Variants in RB1CC1 observed in about 807,000 individuals in gnomAD.
RB1CC1 encodes RB1-inducible coiled-coil protein 1.
RB1CC1 carries 46 observed loss-of-function variants against 177.5 expected under a neutral mutation model. That is an observed-to-expected ratio of 0.26 (90% CI 0.20 to 0.33). The LOEUF is 0.33. Among genes scored for constraint, RB1CC1 ranks in the 10% least tolerant of loss-of-function variants. The pLI, the probability that RB1CC1 is intolerant of heterozygous loss-of-function variation, is 1.00. For synonymous variants in RB1CC1, 666 were observed against 613.6 expected, an observed-to-expected ratio of 1.09 and a Z score of -1.26; for missense variants, 1,703 against 1,816.3, an observed-to-expected ratio of 0.94 and a Z score of 1.13.
chr8:52,684,119 C>G (rs1213872293), intron 3 of RB1CC1, 106 bp from the exon 4 acceptor site: 3 of 1,274,520 alleles, frequency 2.4e-6, no homozygotes, highest in East Asian at 2.8e-5. Flanking sequence ...GAATTTCACT[C>G]TAAAACCTTC....
intron 1 of RB1CC1, among the ~76,000 whole-genome samples, chr8:52,701,755 TC>T (rs1466318319): frequency 6.6e-6 from 1 of 151,580 alleles, no homozygotes; most frequent in Non-Finnish European, 1.5e-5. Context: ...AATTTTCTCT[TC>T]TTTACCTTAG....
rs758455418 is a variant in RB1CC1, at chr8:52,656,152, T to C, written c.3677A>G (p.Asp1226Gly). The change falls in exon 15 of 24, where the codon GAC becomes GGC. Residue 1226 changes from aspartate to glycine, a missense_variant. Asp to Gly is a moderately conservative substitution (Grantham distance 94, BLOSUM62 -1). Transcript: ENST00000025008. ...RQKLVSSQEQ[D>G]REQLIQKLNC... ...AAGCTTCTGAATTAACTGTTCTCTGTCTTGCTCCTGGCTGCTGACCAATTT... is the reference window on the plus strand; with the variant it reads ...AAGCTTCTGAATTAACTGTTCTCTGCCTTGCTCCTGGCTGCTGACCAATTT... 6.2e-7 allele frequency: 1 copy of C among 1,613,884 alleles called. No individual in the cohort carries two copies. The highest frequency in any genetic ancestry group is 1.1e-5 in the South Asian group (1 of 91,070).
At chr8:52,625,268 CCA>C (rs1457503033) in intron 22 of RB1CC1, among the ~76,000 whole-genome samples, 1 of 152,060 alleles carries the variant, frequency 6.6e-6, no homozygotes, top group Non-Finnish European at 1.5e-5. Context: ...CATCTGTATG[CCA>C]CAGTGCTTGG....
At chr8:52,677,612 G>A (rs1230205325) in intron 5 of RB1CC1, among the ~76,000 whole-genome samples, 23 of 152,102 alleles carry the variant, frequency 1.5e-4, no homozygotes, top group Non-Finnish European at 8.8e-5. Flanking sequence ...CTGAAAGAAT[G>A]GATGTAAAAT....
At chr8:52,678,877 A>G (rs1853414118) in intron 5 of RB1CC1, among the ~76,000 whole-genome samples, 4 of 152,202 alleles carry the variant, frequency 2.6e-5, no homozygotes, top group Admixed American at 2.0e-4. Flanking sequence ...TCTTAATTCC[A>G]TATGTGTATA....
chr8:52,642,884 C>T, intron 16 of RB1CC1, 72 bp from the exon 17 acceptor site: 1 of 1,362,460 alleles, frequency 7.3e-7, no homozygotes, highest in Non-Finnish European at 9.5e-7. Flanking sequence ...AATACACTTG[C>T]AAATATTCTT....
At chr8:52,692,555 CAAA>C (rs1854976659) in intron 1 of RB1CC1, among the ~76,000 whole-genome samples, 1 of 151,742 alleles carries the variant, frequency 6.6e-6, no homozygotes, top group South Asian at 2.1e-4. Context: ...AACTATGGCT[CAAA>C]GAAGTTATTT....
At chr8:52,705,263 A>G (rs866787363) in intron 1 of RB1CC1, among the ~76,000 whole-genome samples, 1 of 152,222 alleles carries the variant, frequency 6.6e-6, no homozygotes. Context: ...TCTATACAAT[A>G]ATGGTGGGAT....
Position 52,628,017 on chromosome 8 carries a change from T to C in RB1CC1, c.4636+15A>G, listed in dbSNP as rs753135223. ...CCATTCCAGGTTTATATTTTAGTCA[T>C]GGAATGACACTTACCACCCTCACCT... On this transcript the variant is annotated intron_variant, in intron 22 of 23. Coordinates refer to ENST00000025008, the MANE Select transcript of RB1CC1 (RefSeq NM_014781.5). The C allele has an allele frequency of 4.5e-6, 7 of 1,552,870 alleles. No homozygotes were observed. The highest frequency in any genetic ancestry group is 1.7e-6 in the Non-Finnish European group (2 of 1,156,522).
chr8:52,648,157 GAAT>G (rs1311300100), intron 15 of RB1CC1, among the ~76,000 whole-genome samples: 1 of 152,020 alleles, frequency 6.6e-6, no homozygotes, highest in Non-Finnish European at 1.5e-5. Flanking sequence ...CCCAAAACCA[GAAT>G]AAGAACACTA....
chr8:52,656,473 T>C lies in RB1CC1; in HGVS notation c.3356A>G (p.Gln1119Arg). 6.2e-7 allele frequency: 1 copy of C among 1,611,406 alleles called. No homozygotes were observed. The highest frequency in any genetic ancestry group is 8.5e-7 in the Non-Finnish European group (1 of 1,179,682). ...AGTTCTTAGCTCTGCTAAGCCCACC[T>C]GATAATTTTCATTATTATCCTGAAT... ...QKIQDNNENY[Q>R]VGLAELRTLM... The change falls in exon 15 of 24, where the codon CAG becomes CGG. Residue 1119 changes from glutamine to arginine, a missense_variant. Around this residue, in one of 6 missense-constraint regions of RB1CC1, gnomAD observed 1,169 missense variants for 1,184.7 expected, o/e 0.99. Coordinates refer to ENST00000025008, the MANE Select transcript of RB1CC1 (RefSeq NM_014781.5).
rs1490986844 is a variant in RB1CC1 at position 52,657,520 on chromosome 8, T to C, written c.2309A>G (p.Asn770Ser). ...CTGCATTCGTCTACTGTCTATCGCA[T>C]TGATAACTGATGAATAAAGTGATTC... ...MVESLYSSVI[N>S]AIDSRRMQDT... Residue 770 changes from asparagine to serine, a missense_variant, in exon 15 of 24, where the codon AAT becomes AGT. This residue lies in a region of RB1CC1 where 1,169 missense variants were observed against 1,184.7 expected (regional missense o/e 0.99). Coordinates refer to ENST00000025008, the MANE Select transcript of RB1CC1 (RefSeq NM_014781.5). 1 of 1,613,984 alleles carries C rather than the reference T, an allele frequency of 6.2e-7. No individual in the cohort carries two copies. The highest frequency in any genetic ancestry group is 8.5e-7 in the Non-Finnish European group (1 of 1,179,998).
Position 52,683,996 on chromosome 8 carries a change from T to C in RB1CC1, c.89A>G (p.His30Arg). The C allele has an allele frequency of 6.2e-7, 1 of 1,612,982 alleles. No homozygotes were observed. ...AATCTTGTATTTGCTTTGAATGGCA[T>C]GCTTAAGGTCTGCCACACTTCAAAA... is the stretch of plus-strand genomic sequence containing the variant. ...LTVQTVADLK[H>R]AIQSKYKIAI... The change falls in exon 4 of 24, where the codon CAT (histidine) becomes CGT (arginine). Residue 30 changes from histidine to arginine, a missense_variant. Transcript: ENST00000025008.
At position 52,689,887 on chromosome 8, in the gene RB1CC1, G is replaced by A. The variant is rs185797936; in HGVS notation, c.-166-2920C>T. On this transcript the variant is annotated intron_variant, in intron 1 of 23. Transcript: ENST00000025008. ...GCGGAGGTTGCAGTGAGCTGGGATC[G>A]TACCACTGCACTCCAGCCTAGGCGA... Among the ~76,000 whole-genome samples, 274 of 151,982 alleles carry A rather than the reference G, an allele frequency of 1.8e-3. 1 individual carries two copies. The highest frequency in any genetic ancestry group is 3.2e-3 in the Non-Finnish European group (217 of 67,986).
At chr8:52,705,078 T>C (rs988564746) in intron 1 of RB1CC1, among the ~76,000 whole-genome samples, 1 of 152,200 alleles carries the variant, frequency 6.6e-6, no homozygotes, top group African/African-American at 2.4e-5. Flanking sequence ...ATAAACTGCC[T>C]ACCATATATA....
At chr8:52,693,577 T>G (rs1258702846) in intron 1 of RB1CC1, among the ~76,000 whole-genome samples, 2 of 152,204 alleles carry the variant, frequency 1.3e-5, no homozygotes, top group African/African-American at 4.8e-5. Flanking sequence ...AGACAGATGC[T>G]GGCAAGGTTG....
intron 2 of RB1CC1, among the ~76,000 whole-genome samples, chr8:52,686,370 CCT>C (rs924235304): frequency 8.5e-5 from 13 of 152,264 alleles, no homozygotes; most frequent in African/African-American, 2.6e-4. Flanking sequence ...ACAGCAACAC[CCT>C]GTCTGCACAA....
chr8:52,656,647 T>A lies in RB1CC1; in HGVS notation c.3182A>T (p.Glu1061Val). 6.2e-7 allele frequency: 1 copy of A among 1,613,940 alleles called. No individual in the cohort carries two copies. The highest frequency in any genetic ancestry group is 1.1e-5 in the South Asian group (1 of 91,002). Residue 1061 changes from glutamate (E) to valine (V), a missense_variant, in exon 15 of 24, where the codon GAG becomes GTG. By Grantham distance (121) the Glu-to-Val change is moderately radical. Coordinates refer to ENST00000025008, the MANE Select transcript of RB1CC1 (RefSeq NM_014781.5). ...TGCTTCCTTCAACGCAAGTTCAACC[T>A]CTAACTTGCATCTCGTGTCTGACAA... Reference protein sequence around the residue: ...SDLSDTRCKLEVELALKEAET... With the variant: ...SDLSDTRCKLVVELALKEAET...
chr8:52,659,413 T>C (rs555506284), intron 12 of RB1CC1, among the ~76,000 whole-genome samples: 1 of 152,162 alleles, frequency 6.6e-6, no homozygotes, highest in East Asian at 1.9e-4. Context: ...TTGCCTTGAC[T>C]TTTCCATTAC....
Sources: allele counts gnomAD v4.1 joint callset (sites outside exome capture counted in the v4.1 genomes callset), GRCh38; gene constraint gnomAD v4.1.1; regional missense constraint gnomAD v4.1.1; transcripts MANE v1.5; gene names NCBI Gene and HGNC (gene_info 2026-07-23, HGNC 2026-07-21).